The following TNFSF4 variants were observed in gnomAD, a reference collection of about 807,000 sequenced individuals.
TNFSF4 encodes TNF superfamily member 4, also known as tumor necrosis factor ligand superfamily member 4.
In TNFSF4, 4 loss-of-function variants were observed where a neutral mutation model predicts 7.3. The ratio of observed to expected loss-of-function variants is 0.55; its 90% confidence interval spans 0.27 to 1.25. The LOEUF (loss-of-function observed/expected upper bound fraction) is 1.25. TNFSF4 is among the 50% of genes most tolerant of loss of function. The probability of loss-of-function intolerance (pLI) is 0.12; values close to 1 mark genes in which losing one functional copy is unlikely to be tolerated. For missense variants in TNFSF4, 181 were observed against 208.8 expected (o/e 0.87, Z 0.82); for synonymous variants, 76 against 83.7 (o/e 0.91, Z 0.50).
chr1:173,428,645 T>A, the TNFSF4 span, among the ~76,000 whole-genome samples: 1 of 152,234 alleles, frequency 6.6e-6, no homozygotes, highest in Non-Finnish European at 1.5e-5. Flanking sequence ...GAATTTATTG[T>A]TTTGTGGTTA....
chr1:173,209,986 C>A (rs1017134460), upstream of TNFSF4, among the ~76,000 whole-genome samples: 2 of 151,842 alleles, frequency 1.3e-5, no homozygotes, highest in Non-Finnish European at 2.9e-5. Flanking sequence ...AGGGCTTTGA[C>A]CACTCACAAG....
At chr1:173,174,475 T>C in the TNFSF4 span, 1 of 152,038 alleles carries the variant, frequency 6.6e-6, no homozygotes, top group Non-Finnish European at 1.5e-5. Flanking sequence ...CGAGACTAGG[T>C]AATTTATAGA....
At chr1:173,380,338 A>C in the TNFSF4 span, among the ~76,000 whole-genome samples, 1 of 152,226 alleles carries the variant, frequency 6.6e-6, no homozygotes, top group African/African-American at 2.4e-5. Flanking sequence ...GGAGGGAATC[A>C]ACTCTGAAGT....
chr1:173,308,285 C>CTCTCTCTGTGTGTGTG, the TNFSF4 span, among the ~76,000 whole-genome samples: 17 of 135,124 alleles, frequency 1.3e-4, no homozygotes, highest in African/African-American at 4.3e-4. Flanking sequence ...CTCTCTCTCT[C>CTCTCTCTGTGTGTGTG]TGTGTGTGTG....
the TNFSF4 span, among the ~76,000 whole-genome samples, chr1:173,378,985 A>G: frequency 6.6e-6 from 1 of 151,928 alleles, no homozygotes; most frequent in Non-Finnish European, 1.5e-5. Flanking sequence ...TTTAAAGCAG[A>G]TCAAGGCAGA....
chr1:173,431,439 T>C, the TNFSF4 span, among the ~76,000 whole-genome samples: 1 of 152,196 alleles, frequency 6.6e-6, no homozygotes, highest in Admixed American at 6.5e-5. Flanking sequence ...GCGCTGATTG[T>C]TGGGCCTTGG....
chr1:173,323,275 G>A, the TNFSF4 span, among the ~76,000 whole-genome samples: 1 of 152,222 alleles, frequency 6.6e-6, no homozygotes, highest in Non-Finnish European at 1.5e-5. Context: ...CAGGCAAACA[G>A]GGTCTGGAGT....
chr1:173,258,024 G>A, the TNFSF4 span, among the ~76,000 whole-genome samples: 2 of 152,050 alleles, frequency 1.3e-5, no homozygotes, highest in Admixed American at 1.3e-4. Context: ...AACTATCAGG[G>A]CCCACCATTA....
the TNFSF4 span, among the ~76,000 whole-genome samples, chr1:173,278,113 T>C: frequency 2.0e-5 from 3 of 152,074 alleles, no homozygotes; most frequent in Non-Finnish European, 4.4e-5. Context: ...CCAAGTCTTA[T>C]TTTCTTTTTT....
chr1:173,431,621 T>C, the TNFSF4 span, among the ~76,000 whole-genome samples: 2 of 152,274 alleles, frequency 1.3e-5, no homozygotes, highest in Admixed American at 6.5e-5. Context: ...GATTCTTTTT[T>C]ACTCATTTCT....
At chr1:173,440,549 CTATAT>C in the TNFSF4 span, 1 of 152,196 alleles carries the variant, frequency 6.6e-6, no homozygotes, top group African/African-American at 2.4e-5. Context: ...CTATAGAAAA[CTATAT>C]TATCTGACAG....
At chr1:173,430,288 G>A in the TNFSF4 span, among the ~76,000 whole-genome samples, 1 of 152,320 alleles carries the variant, frequency 6.6e-6, no homozygotes, top group South Asian at 2.1e-4. Flanking sequence ...TGAATGCACA[G>A]AATTCACAAC....
the TNFSF4 span, among the ~76,000 whole-genome samples, chr1:173,411,332 C>T: frequency 3.3e-5 from 5 of 152,204 alleles, no homozygotes; most frequent in African/African-American, 4.8e-5. Context: ...TCTGGTTTAG[C>T]TGTGCTTCTT....
intron 1 of TNFSF4, chr1:173,205,326 C>T (rs1650138950): frequency 6.2e-7 from 1 of 1,612,128 alleles, no homozygotes; most frequent in Non-Finnish European, 8.5e-7. Context: ...GGTTTAGTGT[C>T]CTAGAAACCA....
chr1:173,186,849 TTTCTCC>T lies in TNFSF4; in HGVS notation c.213_218del (p.Glu72_Lys73del). 1 of 1,596,854 alleles carries T rather than the reference TTTCTCC, an allele frequency of 6.3e-7. No homozygotes were observed. Among genetic ancestry groups the T allele is most frequent in the Non-Finnish European group, 8.5e-7 (1 of 1,170,478 alleles). Reference sequence around the variant, plus strand: ...CCTTTTGGGAAGTGAGGATGAAACCTTTCTCCTTCTTATATTCTAGGGAGGATAGGG... The same window carrying T: ...CCTTTTGGGAAGTGAGGATGAAACCTTTCTTATATTCTAGGGAGGATAGGG... On this transcript the variant is annotated inframe_deletion, in exon 3 of 3. Transcript: ENST00000281834.
chr1:173,412,583 T>C, the TNFSF4 span, among the ~76,000 whole-genome samples: 1 of 152,218 alleles, frequency 6.6e-6, no homozygotes, highest in Middle Eastern at 3.2e-3. Context: ...ATTTGCAATA[T>C]ATGTATTTAG....
the TNFSF4 span, among the ~76,000 whole-genome samples, chr1:173,393,901 T>C: frequency 6.6e-6 from 1 of 152,248 alleles, no homozygotes. Flanking sequence ...GCCATGATTA[T>C]TGTTTCTTCA....
the TNFSF4 span, among the ~76,000 whole-genome samples, chr1:173,243,116 C>A: frequency 3.3e-5 from 5 of 150,736 alleles, no homozygotes; most frequent in Non-Finnish European, 7.4e-5. Flanking sequence ...ATGCCTATTG[C>A]CCCAGGATCA....
the TNFSF4 span, among the ~76,000 whole-genome samples, chr1:173,221,995 T>C: frequency 6.6e-6 from 1 of 152,192 alleles, no homozygotes; most frequent in South Asian, 2.1e-4. Context: ...AAGCAGGCAA[T>C]GTGCATGGCA....
Sources: gnomAD v4.1 joint callset for allele counts (sites outside exome capture counted in the v4.1 genomes callset) on GRCh38, gnomAD v4.1.1 for gene constraint, MANE v1.5 for transcripts, NCBI Gene and HGNC (gene_info 2026-07-23, HGNC 2026-07-21) for gene names.